The following CD59 variants were observed in gnomAD, a reference collection of about 807,000 sequenced individuals.
CD59 encodes the protein CD59 glycoprotein.
CD59 carries 3 observed loss-of-function variants against 7.0 expected under a neutral mutation model. The ratio of observed to expected loss-of-function variants is 0.43; its 90% CI spans 0.19 to 1.10. The LOEUF (loss-of-function observed/expected upper bound fraction) is 1.10, where lower values mean the gene tolerates loss of function less well. CD59 is among the 50% of genes least tolerant of loss of function. CD59 has a pLI of 0.29. For synonymous variants in CD59, 60 were observed against 62.0 expected (o/e 0.97, Z 0.15); for missense variants, 143 against 151.0 (o/e 0.95, Z 0.28).
chr11:33,728,078 G>T (rs1854309418), intron 1 of CD59, among the ~76,000 whole-genome samples: 1 of 152,318 alleles, frequency 6.6e-6, no homozygotes, highest in South Asian at 2.1e-4. Context: ...TCAATATCAT[G>T]AAAATGGCCA....
chr11:33,723,201 C>T (rs888686703), intron 1 of CD59, among the ~76,000 whole-genome samples: 5 of 152,280 alleles, frequency 3.3e-5, no homozygotes, highest in African/African-American at 1.2e-4. Context: ...ATCCCTGAAC[C>T]CATCCTGAAA....
chr11:33,715,366 G>A (rs1051540081), intron 3 of CD59, among the ~76,000 whole-genome samples: 7 of 152,108 alleles, frequency 4.6e-5, no homozygotes, highest in Non-Finnish European at 8.8e-5. Context: ...TTGGGAGGCC[G>A]AGGCAGGCAG....
chr11:33,722,244 C>G, intron 2 of CD59, 135 bp downstream of exon 2: 1 of 725,808 alleles, frequency 1.4e-6, no homozygotes, highest in Non-Finnish European at 2.5e-6. Flanking sequence ...GTCATACAAC[C>G]CCAGACCTGT....
intron 3 of CD59, among the ~76,000 whole-genome samples, chr11:33,714,766 C>T (rs1463530463): frequency 6.6e-6 from 1 of 152,038 alleles, no homozygotes; most frequent in East Asian, 1.9e-4. Context: ...CAAGCACACA[C>T]ATTAGCCTAG....
intron 3 of CD59, among the ~76,000 whole-genome samples, chr11:33,713,783 A>G (rs1234181481): frequency 6.6e-6 from 1 of 152,236 alleles, no homozygotes; most frequent in African/African-American, 2.4e-5. Context: ...CTTTACTTGA[A>G]TTATCATATT....
rs1347797247 is a variant in CD59, at chr11:33,703,733, A to G, written c.*6393T>C. 6.6e-6 allele frequency: 1 copy of G among 152,168 alleles called. No homozygotes were observed. Among genetic ancestry groups the G allele is most frequent in the Non-Finnish European group, 1.5e-5 (1 of 68,026 alleles). 9.4% of individuals were successfully genotyped at this position (152,168 alleles called of 1,614,324 possible). On this transcript the variant is annotated 3_prime_UTR_variant, in exon 4 of 4. Coordinates refer to ENST00000642928, the MANE Select transcript of CD59 (RefSeq NM_000611.6). ...TAGTGAAGAGCTTGCCAAGGACAGG[A>G]CTGATTCTTCCTCCAGCCTCACCTA... is the stretch of plus-strand genomic sequence containing the variant.
intron 3 of CD59, 23 bp downstream of exon 3, chr11:33,717,347 A>G (rs1853841048): frequency 6.7e-7 from 1 of 1,485,516 alleles, no homozygotes; most frequent in East Asian, 2.3e-5. Context: ...TACATTTAGG[A>G]GACAGACAGG....
intron 1 of CD59, among the ~76,000 whole-genome samples, chr11:33,730,299 C>CAA (rs1854379805): frequency 6.6e-6 from 1 of 151,792 alleles, no homozygotes; most frequent in Non-Finnish European, 1.5e-5. Flanking sequence ...CCTGTAGTTC[C>CAA]AACTACTCAG....
Position 33,710,347 on chromosome 11 carries a change from T to C in CD59, c.170-4A>G, listed in dbSNP as rs772846953. ...CACTTGTTATACACTTGTAACCCTG[T>C]GGGGAGACACACACAAGGGTAAGAA... On this transcript the variant is annotated splice_region_variant and splice_polypyrimidine_tract_variant and intron_variant, in intron 3 of 3. Transcript: ENST00000642928. 47 of 1,609,534 alleles carry C rather than the reference T, an allele frequency of 2.9e-5. No individual in the cohort carries two copies. The highest frequency in any genetic ancestry group is 3.9e-5 in the Non-Finnish European group (46 of 1,175,846).
chr11:33,713,027 A>G (rs1853632575), intron 3 of CD59, among the ~76,000 whole-genome samples: 1 of 152,222 alleles, frequency 6.6e-6, no homozygotes, highest in African/African-American at 2.4e-5. Context: ...AAATCATTAG[A>G]TTATTCAGTA....
rs563256075 is a variant in CD59, at chr11:33,735,902, A to G, written c.-19+480T>C. ...CTGCACTCCAGCCTGGGCAACAGCGAAACTCCATCTCAAAAAAAAAAAAAA... is the reference window on the plus strand; with the variant it reads ...CTGCACTCCAGCCTGGGCAACAGCGGAACTCCATCTCAAAAAAAAAAAAAA... On this transcript the variant is annotated intron_variant, in intron 1 of 3. Coordinates refer to ENST00000642928, the MANE Select transcript of CD59 (RefSeq NM_000611.6). Among the ~76,000 whole-genome samples the G allele has an allele frequency of 2.3e-3, 344 of 147,476 alleles. 4 individuals carry two copies. The highest frequency in any genetic ancestry group is 8.5e-3 in the African/African-American group (332 of 39,268).
At chr11:33,720,695 C>T (rs188687844) in intron 2 of CD59, among the ~76,000 whole-genome samples, 196 of 152,246 alleles carry the variant, frequency 1.3e-3, no homozygotes, top group African/African-American at 3.6e-3. Context: ...CGCCACTGCG[C>T]TCCAGCCTGG....
intron 1 of CD59, chr11:33,733,638 T>C (rs1854481405): frequency 6.6e-6 from 1 of 151,978 alleles, no homozygotes; most frequent in Non-Finnish European, 1.5e-5. Flanking sequence ...AAAAAAATTA[T>C]TAAAATTATT....
intron 3 of CD59, chr11:33,711,325 A>T: frequency 1.5e-6 from 1 of 682,284 alleles, no homozygotes; most frequent in Non-Finnish European, 2.6e-6. Flanking sequence ...AGTCATATGT[A>T]AGAGCATAGT....
At chr11:33,724,619 T>TG (rs1392626861) in intron 1 of CD59, among the ~76,000 whole-genome samples, 2 of 151,758 alleles carry the variant, frequency 1.3e-5, no homozygotes, top group Non-Finnish European at 2.9e-5. Flanking sequence ...GAGGGAGTGT[T>TG]GGGGGGTGAA....
At chr11:33,719,853 C>T (rs1219940720) in intron 2 of CD59, among the ~76,000 whole-genome samples, 1 of 152,224 alleles carries the variant, frequency 6.6e-6, no homozygotes, top group Non-Finnish European at 1.5e-5. Context: ...AGGGAAGCCA[C>T]AAGGAGAAGG....
chr11:33,718,326 T>C (rs1853892957), intron 2 of CD59: 1 of 151,992 alleles, frequency 6.6e-6, no homozygotes, highest in East Asian at 1.9e-4. Context: ...CTACTAAAAA[T>C]AAAAAAATTA....
chr11:33,723,347 G>A (rs1245711811), intron 1 of CD59, among the ~76,000 whole-genome samples: 1 of 152,118 alleles, frequency 6.6e-6, no homozygotes, highest in Admixed American at 6.6e-5. Context: ...AGAGTTCCCT[G>A]GGGAACTGAC....
chr11:33,717,327 A>T (rs1343699601), intron 3 of CD59, 43 bp downstream of exon 3: 24 of 1,296,026 alleles, frequency 1.9e-5, no homozygotes, highest in African/African-American at 5.8e-5. Flanking sequence ...CCAGGCACTT[A>T]TTACCCCATT....
Sources: gnomAD v4.1 joint callset for allele counts (sites outside exome capture counted in the v4.1 genomes callset) on GRCh38, gnomAD v4.1.1 for gene constraint, MANE v1.5 for transcripts, NCBI Gene and HGNC (gene_info 2026-07-23, HGNC 2026-07-21) for gene names.